The following KCND2 variants were observed in gnomAD, a reference collection of about 807,000 sequenced individuals.
KCND2 encodes A-type voltage-gated potassium channel KCND2.
In KCND2, 16 loss-of-function variants were observed where a neutral mutation model predicts 54.4. The ratio of observed to expected loss-of-function variants is 0.29; its 90% confidence interval spans 0.20 to 0.45. The LOEUF (loss-of-function observed/expected upper bound fraction) is 0.45, where lower values mean the gene tolerates loss of function less well. Ranked by LOEUF, KCND2 falls within the 20% of genes least tolerant of loss-of-function variation. KCND2 has a pLI of 1.00. For missense variants in KCND2, 486 were observed against 824.2 expected (o/e 0.59, Z 5.02); for synonymous variants, 317 against 310.7 (o/e 1.02, Z -0.21).
chr7:120,442,221 G>A (rs1383879519), intron 1 of KCND2, among the ~76,000 whole-genome samples: 3 of 152,032 alleles, frequency 2.0e-5, no homozygotes, highest in Non-Finnish European at 4.4e-5. Flanking sequence ...AAGCTTTATG[G>A]TCTGGAATCT....
chr7:120,358,035 T>TG (rs1168811960), intron 1 of KCND2, among the ~76,000 whole-genome samples: 1 of 152,088 alleles, frequency 6.6e-6, no homozygotes, highest in East Asian at 1.9e-4. Flanking sequence ...TTCAGAAAAT[T>TG]GGAGTATGGT....
chr7:120,576,964 C>T (rs544228080), intron 1 of KCND2, among the ~76,000 whole-genome samples: 1 of 152,176 alleles, frequency 6.6e-6, no homozygotes, highest in East Asian at 1.9e-4. Flanking sequence ...CTGGGCAACA[C>T]AGTGAAACTC....
chr7:120,535,879 T>C lies in KCND2; in HGVS notation c.1116-197024T>C, dbSNP rs114363620. ...CCCTTGCATAGTCCATAATGCTAGA[T>C]TGTTTTCGTGTGTGTGTGTATGTGT... On this transcript the variant is annotated intron_variant, in intron 1 of 5. Coordinates refer to ENST00000331113, the MANE Select transcript of KCND2 (RefSeq NM_012281.3). Among the ~76,000 whole-genome samples the C allele has an allele frequency of 8.0e-3, 1,210 of 152,118 alleles. 20 individuals carry two copies. Among genetic ancestry groups the C allele is most frequent in the African/African-American group, 0.028 (1,154 of 41,520 alleles).
chr7:120,542,064 A>G (rs1791986133), intron 1 of KCND2, among the ~76,000 whole-genome samples: 1 of 152,158 alleles, frequency 6.6e-6, no homozygotes, highest in South Asian at 2.1e-4. Flanking sequence ...TGGGTCAAGT[A>G]TTTGCTTAAC....
chr7:120,478,214 A>G (rs1382310352), intron 1 of KCND2, among the ~76,000 whole-genome samples: 1 of 152,186 alleles, frequency 6.6e-6, no homozygotes, highest in African/African-American at 2.4e-5. Context: ...CCCAAATAAG[A>G]AATATGTTCT....
At chr7:120,437,990 A>C (rs1313454209) in intron 1 of KCND2, among the ~76,000 whole-genome samples, 1 of 152,220 alleles carries the variant, frequency 6.6e-6, no homozygotes, top group Admixed American at 6.5e-5. Flanking sequence ...GTTGCAGTAC[A>C]TGATGAAGGT....
intron 1 of KCND2, among the ~76,000 whole-genome samples, chr7:120,492,000 T>C (rs1802789939): frequency 6.6e-6 from 1 of 152,122 alleles, no homozygotes; most frequent in Non-Finnish European, 1.5e-5. Context: ...ATGGTTGTAG[T>C]TCCCTGTTTT....
chr7:120,403,275 A>T (rs1411339309), intron 1 of KCND2, among the ~76,000 whole-genome samples: 1 of 151,262 alleles, frequency 6.6e-6, no homozygotes, highest in Non-Finnish European at 1.5e-5. Flanking sequence ...GCAGCTACAG[A>T]TTGGCCCAGA....
chr7:120,496,426 A>T (rs1346492266), intron 1 of KCND2, among the ~76,000 whole-genome samples: 4 of 151,340 alleles, frequency 2.6e-5, no homozygotes, highest in African/African-American at 9.7e-5. Context: ...AAAATATATA[A>T]TTTTTTAATT....
intron 1 of KCND2, among the ~76,000 whole-genome samples, chr7:120,539,632 A>T (rs1221262307): frequency 6.6e-6 from 1 of 152,192 alleles, no homozygotes; most frequent in East Asian, 1.9e-4. Context: ...TAAGTATTTT[A>T]AAAAAGAAAT....
Position 120,275,604 on chromosome 7 carries a change from G to A in KCND2, c.972G>A (p.Leu324=). Reference sequence around the variant, plus strand: ...CACTGAAGAGTTGTGCCTCAGAATTGGGCTTCTTGCTTTTCTCGCTCACCA... The same window carrying A: ...CACTGAAGAGTTGTGCCTCAGAATTAGGCTTCTTGCTTTTCTCGCTCACCA... ...GYTLKSCASE[L]GFLLFSLTMA... is the part of the protein sequence containing the mutation. Residue 324 remains leucine (L), a synonymous_variant, in exon 1 of 6, where the codon TTG becomes TTA. Transcript: ENST00000331113. 6.2e-7 allele frequency: 1 copy of A among 1,612,580 alleles called. No homozygotes were observed. The highest frequency in any genetic ancestry group is 8.5e-7 in the Non-Finnish European group (1 of 1,179,986).
At chr7:120,737,395 T>G (rs909771997) in intron 2 of KCND2, among the ~76,000 whole-genome samples, 20 of 152,148 alleles carry the variant, frequency 1.3e-4, no homozygotes, top group African/African-American at 4.8e-4. Flanking sequence ...AATTTGGTCT[T>G]GGATGCTCTC....
At chr7:120,420,946 A>T (rs973430691) in intron 1 of KCND2, among the ~76,000 whole-genome samples, 2 of 152,184 alleles carry the variant, frequency 1.3e-5, no homozygotes, top group African/African-American at 4.8e-5. Flanking sequence ...CTGTGGAGTG[A>T]TATTGCTGTA....
At chr7:120,585,058 AC>A (rs1241163679) in intron 1 of KCND2, among the ~76,000 whole-genome samples, 1 of 152,096 alleles carries the variant, frequency 6.6e-6, no homozygotes, top group Non-Finnish European at 1.5e-5. Context: ...GCTTTTTCTA[AC>A]TCTGAAGGCA....
At chr7:120,493,852 C>T (rs914232863) in intron 1 of KCND2, among the ~76,000 whole-genome samples, 3 of 152,034 alleles carry the variant, frequency 2.0e-5, no homozygotes, top group African/African-American at 7.2e-5. Context: ...GGAGCATAAT[C>T]CACAGTAGTG....
At chr7:120,286,893 A>G (rs1799353385) in intron 1 of KCND2, among the ~76,000 whole-genome samples, 1 of 152,106 alleles carries the variant, frequency 6.6e-6, no homozygotes, top group African/African-American at 2.4e-5. Context: ...ATCAAGTATT[A>G]AAGGTGACAG....
At chr7:120,695,029 T>C (rs1792316619) in intron 1 of KCND2, among the ~76,000 whole-genome samples, 1 of 152,174 alleles carries the variant, frequency 6.6e-6, no homozygotes, top group Admixed American at 6.5e-5. Flanking sequence ...GTAAACTGGA[T>C]TGATGACTAG....
intron 1 of KCND2, among the ~76,000 whole-genome samples, chr7:120,695,611 A>G (rs935716081): frequency 6.6e-6 from 1 of 152,198 alleles, no homozygotes; most frequent in African/African-American, 2.4e-5. Flanking sequence ...AATGAAGAAA[A>G]GGAAGAAATA....
chr7:120,459,684 G>A (rs10488297), intron 1 of KCND2, among the ~76,000 whole-genome samples: 9,241 of 152,166 alleles, frequency 0.061, 872 homozygotes, highest in African/African-American at 0.21. Flanking sequence ...AATAATAAGC[G>A]TCTACCAGTT....
Sources: allele counts gnomAD v4.1 joint callset (sites outside exome capture counted in the v4.1 genomes callset), GRCh38; gene constraint gnomAD v4.1.1; transcripts MANE v1.5; gene names NCBI Gene and HGNC (gene_info 2026-07-23, HGNC 2026-07-21).